TIMMDC1: variants seen among roughly 807,000 people sequenced by gnomAD.
The protein encoded by TIMMDC1 is complex I assembly factor TIMMDC1, mitochondrial.
Under a neutral mutation model 32.6 loss-of-function variants are expected in TIMMDC1, and 25 were observed. The ratio of observed to expected loss-of-function variants is 0.77; its 90% CI spans 0.56 to 1.07. The LOEUF (loss-of-function observed/expected upper bound fraction) is 1.07, where lower values mean the gene tolerates loss of function less well. Ranked by LOEUF, TIMMDC1 falls within the 50% of genes least tolerant of loss-of-function variation. The pLI is 0.00. For synonymous variants in TIMMDC1, 130 were observed against 127.6 expected (o/e 1.02, Z -0.13); for missense variants, 329 against 349.2 (o/e 0.94, Z 0.46).
At chr3:119,508,822 A>G (rs1223769044) in intron 4 of TIMMDC1, among the ~76,000 whole-genome samples, 1 of 152,184 alleles carries the variant, frequency 6.6e-6, no homozygotes, top group African/African-American at 2.4e-5. Context: ...TGGCATTTCA[A>G]TATCTGATTC....
intron 3 of TIMMDC1, 85 bp from the exon 4 acceptor site, chr3:119,503,865 AATCT>A: frequency 1.7e-6 from 2 of 1,183,794 alleles, no homozygotes; most frequent in Non-Finnish European, 2.5e-6. Context: ...GGCTTTTCTA[AATCT>A]ATTAAGTCAG....
rs1377296678 is a variant in TIMMDC1, at chr3:119,524,961, A to G, written c.*1205A>G. On this transcript the variant is annotated 3_prime_UTR_variant, in exon 7 of 7. Transcript: ENST00000494664. ...TTTAAATGAGAACTTTCTCATAAATATTTTACAAATGAGGTCAAACTAGCA... is the reference window on the plus strand; with the variant it reads ...TTTAAATGAGAACTTTCTCATAAATGTTTTACAAATGAGGTCAAACTAGCA... 3 of 152,216 alleles carry G rather than the reference A, an allele frequency of 2.0e-5. No individual in the cohort carries two copies. The highest frequency in any genetic ancestry group is 4.4e-5 in the Non-Finnish European group (3 of 68,044). 9.4% of individuals were successfully genotyped at this position (152,216 alleles called of 1,614,324 possible). A position where few individuals can be genotyped will look rare whatever the true frequency, so the allele number is the denominator to read the frequency against.
At chr3:119,520,523 G>C (rs888161740) in intron 6 of TIMMDC1, among the ~76,000 whole-genome samples, 11 of 152,098 alleles carry the variant, frequency 7.2e-5, no homozygotes, top group Non-Finnish European at 1.5e-5. Flanking sequence ...ATAATCTATC[G>C]AGATTGAGCC....
At position 119,524,021 on chromosome 3, in the gene TIMMDC1, C is replaced by G. The variant is rs1348229535; in HGVS notation, c.*265C>G. On this transcript the variant is annotated 3_prime_UTR_variant, in exon 7 of 7. Transcript: ENST00000494664. ...ATATGCATACATGAATATATCCACC[C>G]ACCTAGATTTTAAGCAGTAAATAAA... The G allele has an allele frequency of 3.7e-6, 1 of 267,188 alleles. No homozygotes were observed. The highest frequency in any genetic ancestry group is 5.1e-5 in the Admixed American group (1 of 19,528). The allele number at this position is 267,188 out of a possible 1,614,324, so 16.6% of individuals were successfully genotyped here. A position where few individuals can be genotyped will look rare whatever the true frequency, so the allele number is the denominator to read the frequency against.
chr3:119,498,941 G>C lies in TIMMDC1; in HGVS notation c.194+14G>C, dbSNP rs541809417. The C allele has an allele frequency of 6.2e-7, 1 of 1,613,440 alleles. No individual in the cohort carries two copies. Among genetic ancestry groups the C allele is most frequent in the Non-Finnish European group, 8.5e-7 (1 of 1,179,480 alleles). ...GTTTGGCAAAGAGTAAAAGTGCCTA[G>C]GGTGTGAAGTGGGGTAGGGGGCCGC... On this transcript the variant is annotated intron_variant, in intron 1 of 6. Coordinates refer to ENST00000494664, the MANE Select transcript of TIMMDC1 (RefSeq NM_016589.4).
intron 4 of TIMMDC1, among the ~76,000 whole-genome samples, chr3:119,505,131 A>G (rs1243360111): frequency 6.6e-6 from 1 of 152,066 alleles, no homozygotes; most frequent in African/African-American, 2.4e-5. Context: ...AAAAAATAGT[A>G]TGTGAAGTAA....
chr3:119,523,942 C>T lies in TIMMDC1; in HGVS notation c.*186C>T. 2.2e-6 allele frequency: 1 copy of T among 464,794 alleles called. No homozygotes were observed. Among genetic ancestry groups the T allele is most frequent in the South Asian group, 5.6e-5 (1 of 17,976 alleles). The allele number at this position is 464,794 out of a possible 1,614,324, so 28.8% of individuals were successfully genotyped here. A position where few individuals can be genotyped will look rare whatever the true frequency, so the allele number is the denominator to read the frequency against. ...TAAGAATGGGGCTGTTGTACTCTCACTTTACTTATCCTTAAATTTAAATAC... is the reference window on the plus strand; with the variant it reads ...TAAGAATGGGGCTGTTGTACTCTCATTTTACTTATCCTTAAATTTAAATAC... On this transcript the variant is annotated 3_prime_UTR_variant, in exon 7 of 7. Coordinates refer to ENST00000494664, the MANE Select transcript of TIMMDC1 (RefSeq NM_016589.4).
intron 6 of TIMMDC1, among the ~76,000 whole-genome samples, chr3:119,519,750 G>A (rs6805225): frequency 0.68 from 103,798 of 152,096 alleles, 36,709 homozygotes; most frequent in African/African-American, 0.89. Context: ...AAACTGTACT[G>A]TAGATCAAAT....
intron 4 of TIMMDC1, among the ~76,000 whole-genome samples, chr3:119,505,242 A>G (rs184613566): frequency 6.6e-6 from 1 of 152,346 alleles, no homozygotes; most frequent in East Asian, 1.9e-4. Flanking sequence ...TCAGATTTAA[A>G]AAATAATTTT....
chr3:119,510,744 ATTAG>A (rs765376259), intron 4 of TIMMDC1, among the ~76,000 whole-genome samples: 6 of 152,232 alleles, frequency 3.9e-5, no homozygotes, highest in Non-Finnish European at 8.8e-5. Context: ...GTACAACAAA[ATTAG>A]TTAACATTTA....
At position 119,525,026 on chromosome 3, in the gene TIMMDC1, G is replaced by A. The variant is rs543775054; in HGVS notation, c.*1270G>A. 2.0e-5 allele frequency: 3 copies of A among 152,322 alleles called. No individual in the cohort carries two copies. The South Asian group carries it at 6.2e-4, about 32-fold the overall frequency. 9.4% of individuals were successfully genotyped at this position (152,322 alleles called of 1,614,324 possible). Reference sequence around the variant, plus strand: ...GAGATTATCAGTCCAATATGAACCAGTTAAGTCTTTGGACTATCCCTTTCC... The same window carrying A: ...GAGATTATCAGTCCAATATGAACCAATTAAGTCTTTGGACTATCCCTTTCC... On this transcript the variant is annotated 3_prime_UTR_variant, in exon 7 of 7. Transcript: ENST00000494664.
chr3:119,511,379 G>T (rs1172660359), intron 4 of TIMMDC1, among the ~76,000 whole-genome samples: 1 of 151,924 alleles, frequency 6.6e-6, no homozygotes, highest in African/African-American at 2.4e-5. Context: ...GGAGACTGAG[G>T]TGGGGGAGAA....
Position 119,503,607 on chromosome 3 carries a change from G to C in TIMMDC1, c.436G>C (p.Val146Leu). Residue 146 changes from valine to leucine, a missense_variant, in exon 3 of 7, where the codon GTG becomes CTG. Val to Leu is a conservative substitution (Grantham distance 32). Transcript: ENST00000494664. Reference protein sequence around the residue: ...WRWGWRTAVFVTIFNTVNTSL... With the variant: ...WRWGWRTAVFLTIFNTVNTSL... ...CTGGGGTTGGAGAACTGCAGTGTTT[G>C]TGACTATATTCAAGTAAGTTCACTC... 6.2e-7 allele frequency: 1 copy of C among 1,610,070 alleles called. No individual in the cohort carries two copies. The highest frequency in any genetic ancestry group is 8.5e-7 in the Non-Finnish European group (1 of 1,178,382).
Position 119,523,610 on chromosome 3 carries a change from G to C in TIMMDC1, c.712G>C (p.Gly238Arg), listed in dbSNP as rs1270381849. Residue 238 changes from glycine to arginine, a missense_variant, in exon 7 of 7, where the codon GGC becomes CGC. Transcript: ENST00000494664. ...ATCCTTTTTATCTGATTACAGGAAA[G>C]GCAGACTACAAGTTACTGAGCACCT... ...LHELKLEEWK[G>R]RLQVTEHLPE... 6.3e-7 allele frequency: 1 copy of C among 1,598,892 alleles called. No individual in the cohort carries two copies. Among genetic ancestry groups the C allele is most frequent in the African/African-American group, 1.4e-5 (1 of 73,882 alleles).
In TIMMDC1 at chr3:119,517,214, A is replaced by G. The variant is rs1257951350; in HGVS notation, c.606A>G (p.Val202=). 16 of 1,609,654 alleles carry G rather than the reference A, an allele frequency of 9.9e-6. No homozygotes were observed. The highest frequency in any genetic ancestry group is 1.4e-5 in the Non-Finnish European group (16 of 1,176,292). The change falls in exon 6 of 7, where the codon GTA becomes GTG. Residue 202 remains valine, a synonymous_variant. Transcript: ENST00000494664. ...GIIGALLGTP[V]GGLLMAFQKY... ...TCTCCTTTCTTCTCAGCACTCCTGT[A>G]GGAGGCCTGCTGATGGCATTTCAGA... is the stretch of plus-strand genomic sequence containing the variant.
chr3:119,500,951 G>A, intron 2 of TIMMDC1, 91 bp downstream of exon 2: 1 of 1,363,292 alleles, frequency 7.3e-7, no homozygotes, highest in Non-Finnish European at 1.0e-6. Flanking sequence ...GGGGATGGAG[G>A]GTTGTTTTAA....
chr3:119,512,946 G>A (rs75798607), intron 4 of TIMMDC1, among the ~76,000 whole-genome samples: 1,953 of 152,174 alleles, frequency 0.013, 21 homozygotes, highest in Non-Finnish European at 0.016. Context: ...TTGCCATGTT[G>A]TCCAGGCTGA....
chr3:119,507,975 G>T (rs2081928887), intron 4 of TIMMDC1, among the ~76,000 whole-genome samples: 1 of 152,170 alleles, frequency 6.6e-6, no homozygotes, highest in African/African-American at 2.4e-5. Context: ...CACATGGGAG[G>T]CTAGAGCAGT....
intron 4 of TIMMDC1, among the ~76,000 whole-genome samples, chr3:119,505,477 T>A (rs186556436): frequency 1.2e-4 from 19 of 152,188 alleles, no homozygotes; most frequent in African/African-American, 4.6e-4. Context: ...GATTCTCTCC[T>A]GCCTCAGCCT....
Sources: allele counts gnomAD v4.1 joint callset (sites outside exome capture counted in the v4.1 genomes callset), GRCh38; gene constraint gnomAD v4.1.1; transcripts MANE v1.5; gene names NCBI Gene and HGNC (gene_info 2026-07-23, HGNC 2026-07-21).